GLIS1: variants seen among roughly 807,000 people sequenced by gnomAD.
GLIS1 encodes zinc finger protein GLIS1.
A neutral mutation model predicts 63.8 loss-of-function variants in GLIS1; 24 were observed. The observed-to-expected ratio is 0.38, with a 90% CI of 0.27 to 0.53. The LOEUF (loss-of-function observed/expected upper bound fraction) is 0.53, where lower values mean the gene tolerates loss of function less well. GLIS1 is among the 20% of genes least tolerant of loss of function. GLIS1 has a pLI of 0.85. For missense variants in GLIS1, 1,036 were observed against 1,074.1 expected (o/e 0.96, Z 0.50); for synonymous variants, 450 against 482.5 (o/e 0.93, Z 0.88).
At chr1:53,688,799 G>C (rs1490511599) in intron 2 of GLIS1, 2 of 152,206 alleles carry the variant, frequency 1.3e-5, no homozygotes, top group African/African-American at 2.4e-5. Context: ...AATTCTAAAA[G>C]GGCTGCACCA....
chr1:53,717,963 G>A (rs1216814114), intron 2 of GLIS1, among the ~76,000 whole-genome samples: 2 of 152,268 alleles, frequency 1.3e-5, no homozygotes, highest in Non-Finnish European at 2.9e-5. Flanking sequence ...ACCCCAGACC[G>A]TGATTCCAGA....
At chr1:53,601,741 A>G (rs1246943475) in intron 2 of GLIS1, among the ~76,000 whole-genome samples, 2 of 152,130 alleles carry the variant, frequency 1.3e-5, no homozygotes, top group African/African-American at 4.8e-5. Context: ...CCCAAACCCC[A>G]CGTCTTAATC....
chr1:53,564,681 C>G (rs1001794640), intron 4 of GLIS1, among the ~76,000 whole-genome samples: 1 of 152,002 alleles, frequency 6.6e-6, no homozygotes, highest in Admixed American at 6.5e-5. Flanking sequence ...AATTACTATT[C>G]AAAACAAGGC....
rs766864303 is a variant in GLIS1 at position 53,526,460 on chromosome 1, C to T, written c.1483-1573G>A. ...CCTGGGAGGGAGAGCGGAGGCCTGC[C>T]GCGGATGGCCCCTGCTGCCCCCAGC... On this transcript the variant is annotated intron_variant, in intron 5 of 10. Coordinates refer to ENST00000628545, the MANE Select transcript of GLIS1 (RefSeq NM_001367484.1). This position sits in a 1 kb window ranked among gnomAD's most constrained non-coding sequence, Gnocchi z 4.4. Among the ~76,000 whole-genome samples, 3 of 152,126 alleles carry T rather than the reference C, an allele frequency of 2.0e-5. No homozygotes were observed. Among genetic ancestry groups the T allele is most frequent in the Non-Finnish European group, 4.4e-5 (3 of 68,002 alleles).
At chr1:53,529,751 A>G (rs761173170) in intron 5 of GLIS1, 40 bp downstream of exon 5, 1 of 1,590,766 alleles carries the variant, frequency 6.3e-7, no homozygotes, top group African/African-American at 1.3e-5. Context: ...GTGTGTGGCC[A>G]TCCTCCACCC....
chr1:53,573,273 G>A (rs1645000805), intron 4 of GLIS1, among the ~76,000 whole-genome samples: 1 of 152,132 alleles, frequency 6.6e-6, no homozygotes, highest in South Asian at 2.1e-4. Flanking sequence ...CTGTTAGAAA[G>A]TCCATCCTGG....
intron 2 of GLIS1, among the ~76,000 whole-genome samples, chr1:53,691,815 T>G (rs1353859549): frequency 6.6e-6 from 1 of 151,946 alleles, no homozygotes; most frequent in Non-Finnish European, 1.5e-5. Context: ...CTACCCCCAC[T>G]CCAACCCAGG....
At chr1:53,569,259 G>A (rs1417787280) in intron 4 of GLIS1, among the ~76,000 whole-genome samples, 2 of 152,170 alleles carry the variant, frequency 1.3e-5, no homozygotes, top group African/African-American at 4.8e-5. Flanking sequence ...TCCACAGAAT[G>A]TACAATACCA....
chr1:53,621,705 A>G (rs1167943540), intron 2 of GLIS1, among the ~76,000 whole-genome samples: 5 of 151,950 alleles, frequency 3.3e-5, no homozygotes, highest in Admixed American at 1.3e-4. Context: ...TTTAAAAAAT[A>G]TATTAAAATG....
chr1:53,604,912 ATGTG>A lies in GLIS1; in HGVS notation c.260-4638_260-4635del, dbSNP rs763835438. Among the ~76,000 whole-genome samples the A allele has an allele frequency of 4.6e-4, 17 of 36,950 alleles. No individual in the cohort carries two copies. In the South Asian group the frequency reaches 0.016, roughly 35 times the overall value. The allele number at this position is 36,950 out of a possible 152,430, so 24.2% of individuals were successfully genotyped here. A position where few individuals can be genotyped will look rare whatever the true frequency, so the allele number is the denominator to read the frequency against. On this transcript the variant is annotated intron_variant, in intron 2 of 10. Transcript: ENST00000628545. ...TTGTACCATTAAAAAATATATATAT[ATGTG>A]TGTGTGTGTGTGTGTGTATATATAT...
At chr1:53,679,033 C>T (rs1053635567) in intron 2 of GLIS1, among the ~76,000 whole-genome samples, 8 of 152,226 alleles carry the variant, frequency 5.3e-5, no homozygotes, top group Admixed American at 6.5e-5. Flanking sequence ...CTCATGTCCT[C>T]TTCCCACCAG....
At position 53,526,770 on chromosome 1, in the gene GLIS1, C is replaced by T. The variant is rs115311254; in HGVS notation, c.1483-1883G>A. Among the ~76,000 whole-genome samples, 314 of 152,370 alleles carry T rather than the reference C, an allele frequency of 2.1e-3. 4 individuals are homozygous for T. The highest frequency in any genetic ancestry group is 6.9e-3 in the African/African-American group (287 of 41,584). Reference sequence around the variant, plus strand: ...GCCGGCACATTCGCCTGGAAACGGGCGGCAAGGCCCATCTCTGTGTTTGTT... The same window carrying T: ...GCCGGCACATTCGCCTGGAAACGGGTGGCAAGGCCCATCTCTGTGTTTGTT... On this transcript the variant is annotated intron_variant, in intron 5 of 10. Transcript: ENST00000628545. The surrounding 1 kb of genome is among the most constrained non-coding windows in gnomAD (Gnocchi z 4.4).
intron 2 of GLIS1, among the ~76,000 whole-genome samples, chr1:53,635,496 GT>G (rs1645714051): frequency 6.6e-6 from 1 of 151,678 alleles, no homozygotes; most frequent in African/African-American, 2.4e-5. Flanking sequence ...TCTTAAATGT[GT>G]TTGTTAGAAG....
At chr1:53,647,702 G>A (rs186578156) in intron 2 of GLIS1, among the ~76,000 whole-genome samples, 320 of 152,226 alleles carry the variant, frequency 2.1e-3, no homozygotes, top group Non-Finnish European at 3.5e-3. Flanking sequence ...ACAGGACTCA[G>A]AAGCACTAAC....
At chr1:53,666,415 G>A (rs1261938449) in intron 2 of GLIS1, among the ~76,000 whole-genome samples, 1 of 152,110 alleles carries the variant, frequency 6.6e-6, no homozygotes, top group Non-Finnish European at 1.5e-5. Flanking sequence ...GGAATCCCAG[G>A]TCCCACTAGA....
chr1:53,731,093 G>A lies in GLIS1; in HGVS notation c.259+6713C>T, dbSNP rs58675738. Among the ~76,000 whole-genome samples the A allele has an allele frequency of 2.3e-3, 343 of 152,334 alleles. 2 individuals are homozygous for A. The highest frequency in any genetic ancestry group is 8.0e-3 in the African/African-American group (331 of 41,578). On this transcript the variant is annotated intron_variant, in intron 2 of 10. Coordinates refer to ENST00000628545, the MANE Select transcript of GLIS1 (RefSeq NM_001367484.1). ...AGGGGAGACTACGACCGGGGCCTTGGCAAGGAATCTCCCCATATGGCAAGA... is the reference window on the plus strand; with the variant it reads ...AGGGGAGACTACGACCGGGGCCTTGACAAGGAATCTCCCCATATGGCAAGA...
intron 2 of GLIS1, among the ~76,000 whole-genome samples, chr1:53,690,213 C>G (rs545855950): frequency 6.6e-6 from 1 of 152,362 alleles, no homozygotes; most frequent in South Asian, 2.1e-4. Context: ...GGCCAGGGAG[C>G]CTCACCGCCC....
chr1:53,563,766 A>T (rs1197218028), intron 4 of GLIS1, among the ~76,000 whole-genome samples: 1 of 152,232 alleles, frequency 6.6e-6, no homozygotes, highest in African/African-American at 2.4e-5. Flanking sequence ...GTGAAAATTC[A>T]GACTATCACA....
In GLIS1 at chr1:53,646,920, GGAAGGAAGGAAA is replaced by G. The variant is rs1375778268; in HGVS notation, c.260-46654_260-46643del. Among the ~76,000 whole-genome samples, 3 of 141,968 alleles carry G rather than the reference GGAAGGAAGGAAA, an allele frequency of 2.1e-5. No individual in the cohort carries two copies. Among genetic ancestry groups the G allele is most frequent in the Non-Finnish European group, 4.5e-5 (3 of 66,316 alleles). The allele number at this position is 141,968 out of a possible 152,430, so 93.1% of individuals were successfully genotyped here. A position where few individuals can be genotyped will look rare whatever the true frequency, so the allele number is the denominator to read the frequency against. On this transcript the variant is annotated intron_variant, in intron 2 of 10. Transcript: ENST00000628545. This position sits in a 1 kb window ranked among gnomAD's most constrained non-coding sequence, Gnocchi z 4.2. Reference sequence around the variant, plus strand: ...GAAGGAAAGGAAGGAAGGGAAGGAAGGAAGGAAGGAAAGAAGGAAGGAAAGGGAAGGGAAGGG... The same window carrying G: ...GAAGGAAAGGAAGGAAGGGAAGGAAGGAAGGAAGGAAAGGGAAGGGAAGGG...
Sources: gnomAD v4.1 joint callset for allele counts (sites outside exome capture counted in the v4.1 genomes callset) on GRCh38, gnomAD v4.1.1 for gene constraint, Gnocchi (gnomAD v3.1) non-coding constraint, MANE v1.5 for transcripts, NCBI Gene and HGNC (gene_info 2026-07-23, HGNC 2026-07-21) for gene names.